Variants in DPP6 observed in about 807,000 individuals in gnomAD.
DPP6 encodes the protein A-type potassium channel modulatory protein DPP6.
DPP6 carries 69 observed loss-of-function variants against 122.6 expected under a neutral mutation model. That is an observed-to-expected ratio of 0.56 (90% CI 0.46 to 0.69). The LOEUF (loss-of-function observed/expected upper bound fraction) is 0.69. Ranked by LOEUF, DPP6 falls within the 30% of genes least tolerant of loss-of-function variation. The pLI, the probability that DPP6 is intolerant of heterozygous loss-of-function variation, is 0.00. For missense variants in DPP6, 928 were observed against 1,116.9 expected, an observed-to-expected ratio of 0.83 and a Z score of 2.41; for synonymous variants, 418 against 433.1, an observed-to-expected ratio of 0.97 and a Z score of 0.43.
At chr7:154,184,176 TTTGAG>T (rs1798239243) in intron 1 of DPP6, among the ~76,000 whole-genome samples, 1 of 151,302 alleles carries the variant, frequency 6.6e-6, no homozygotes, top group African/African-American at 2.4e-5. Flanking sequence ...AGGCAATGAT[TTTGAG>T]TTGAGATAAT....
intron 1 of DPP6, among the ~76,000 whole-genome samples, chr7:154,032,546 A>G (rs980671815): frequency 4.6e-5 from 7 of 152,212 alleles, no homozygotes; most frequent in Non-Finnish European, 1.0e-4. Flanking sequence ...TAAAAAATCT[A>G]ACTCCTGTGT....
intron 1 of DPP6, among the ~76,000 whole-genome samples, chr7:154,430,650 ACAC>A (rs1818278207): frequency 6.6e-6 from 1 of 152,144 alleles, no homozygotes; most frequent in East Asian, 1.9e-4. Flanking sequence ...CAGCCGTGCA[ACAC>A]AGGTGCCCTT....
chr7:153,928,395 C>CCTTTTTTTTTTTTT (rs1467865041), intron 1 of DPP6, among the ~76,000 whole-genome samples: 5 of 29,994 alleles, frequency 1.7e-4, no homozygotes, highest in South Asian at 9.4e-4. Flanking sequence ...TCTTTTCTTT[C>CCTTTTTTTTTTTTT]ATTTTTTTTT....
At chr7:154,867,899 GA>G in intron 17 of DPP6, 95 bp from the exon 18 acceptor site, 1 of 1,415,504 alleles carries the variant, frequency 7.1e-7, no homozygotes, top group Non-Finnish European at 9.3e-7. Flanking sequence ...TGAGGCTGAT[GA>G]AAGCAGCAGT....
intron 1 of DPP6, among the ~76,000 whole-genome samples, chr7:154,205,240 C>A (rs547599061): frequency 6.6e-6 from 1 of 152,068 alleles, no homozygotes; most frequent in Non-Finnish European, 1.5e-5. Context: ...TCCCCAGTTT[C>A]CTCCAGTGGT....
At chr7:154,667,028 T>A (rs573367845) in intron 6 of DPP6, among the ~76,000 whole-genome samples, 1 of 152,318 alleles carries the variant, frequency 6.6e-6, no homozygotes, top group South Asian at 2.1e-4. Flanking sequence ...CCAAGTCTCA[T>A]AGGTGAGAAA....
At chr7:154,418,063 C>A (rs1454311152) in intron 1 of DPP6, among the ~76,000 whole-genome samples, 2 of 152,236 alleles carry the variant, frequency 1.3e-5, no homozygotes, top group East Asian at 3.8e-4. Context: ...GTAGATAGGA[C>A]CTGCATTTGC....
chr7:154,305,035 AGCCCC>A, intron 1 of DPP6: 1 of 9,402 alleles, frequency 1.1e-4, no homozygotes, highest in Non-Finnish European at 2.8e-4. Flanking sequence ...CCCCAGCCCC[AGCCCC>A]AGCCCCAGCC....
At chr7:154,075,583 C>T (rs1489444212) in intron 1 of DPP6, among the ~76,000 whole-genome samples, 2 of 147,914 alleles carry the variant, frequency 1.4e-5, no homozygotes, top group African/African-American at 5.0e-5. Flanking sequence ...CGTATGTTCT[C>T]GCTTTTAAGT....
At chr7:153,930,213 G>C (rs1801108996) in intron 1 of DPP6, among the ~76,000 whole-genome samples, 1 of 152,234 alleles carries the variant, frequency 6.6e-6, no homozygotes, top group Non-Finnish European at 1.5e-5. Flanking sequence ...ACAGAAGACA[G>C]ATTTCCATCC....
At chr7:154,120,298 G>A (rs574389140) in intron 1 of DPP6, among the ~76,000 whole-genome samples, 2 of 150,880 alleles carry the variant, frequency 1.3e-5, no homozygotes, top group Admixed American at 1.3e-4. Flanking sequence ...AGGCTGGAGT[G>A]CAGTGGTGTG....
intron 1 of DPP6, among the ~76,000 whole-genome samples, chr7:154,407,176 C>G (rs1051455660): frequency 2.0e-5 from 3 of 152,200 alleles, no homozygotes; most frequent in Admixed American, 2.0e-4. Context: ...GTGCTGCCAA[C>G]CTCCTCTTCC....
chr7:154,373,584 A>G (rs1563563844), intron 1 of DPP6, among the ~76,000 whole-genome samples: 1 of 152,152 alleles, frequency 6.6e-6, no homozygotes, highest in Admixed American at 6.5e-5. Flanking sequence ...CAATTTTTGC[A>G]TTTATTTCTG....
chr7:154,523,318 A>T (rs1019357607), intron 3 of DPP6, among the ~76,000 whole-genome samples: 5 of 152,212 alleles, frequency 3.3e-5, no homozygotes, highest in Non-Finnish European at 7.3e-5. Context: ...TACAAATGCC[A>T]ATTAATTTCA....
intron 1 of DPP6, among the ~76,000 whole-genome samples, chr7:153,936,709 G>T (rs1040182012): frequency 6.6e-6 from 1 of 152,190 alleles, no homozygotes; most frequent in Non-Finnish European, 1.5e-5. Flanking sequence ...TACTCGGGAG[G>T]CTGAGGCAGG....
At chr7:153,805,616 A>G in the DPP6 span, among the ~76,000 whole-genome samples, 17 of 152,330 alleles carry the variant, frequency 1.1e-4, no homozygotes, top group African/African-American at 3.6e-4. Context: ...ATGTCCAACA[A>G]TGATAGACTG....
the DPP6 span, among the ~76,000 whole-genome samples, chr7:153,870,198 G>T: frequency 6.6e-6 from 1 of 152,176 alleles, no homozygotes; most frequent in Non-Finnish European, 1.5e-5. Context: ...ATGTTGGCCT[G>T]CCTTGCTAGA....
At chr7:154,660,064 G>A (rs1000119240) in intron 6 of DPP6, among the ~76,000 whole-genome samples, 1 of 151,946 alleles carries the variant, frequency 6.6e-6, no homozygotes, top group African/African-American at 2.4e-5. Flanking sequence ...CTCCTGTAAC[G>A]TGTTGGTGGT....
intron 1 of DPP6, among the ~76,000 whole-genome samples, chr7:154,097,864 A>G (rs1585372158): frequency 6.6e-6 from 1 of 152,180 alleles, no homozygotes; most frequent in East Asian, 1.9e-4. Context: ...TGGCATTTGG[A>G]TTCTCCCAGA....
Sources: allele counts gnomAD v4.1 joint callset (sites outside exome capture counted in the v4.1 genomes callset), GRCh38; gene constraint gnomAD v4.1.1; transcripts MANE v1.5; gene names NCBI Gene and HGNC (gene_info 2026-07-23, HGNC 2026-07-21).